The following EHD2 variants were observed in gnomAD, a reference collection of about 807,000 sequenced individuals.
EHD2 encodes the protein EH domain containing 2.
Under a neutral mutation model 41.0 loss-of-function variants are expected in EHD2, and 27 were observed. The ratio of observed to expected loss-of-function variants is 0.66; its 90% CI spans 0.49 to 0.91. EHD2 has a LOEUF of 0.91. Among genes scored for constraint, EHD2 ranks in the 40% least tolerant of loss-of-function variants. The probability of loss-of-function intolerance (pLI) is 0.00; values close to 1 mark genes in which losing one functional copy is unlikely to be tolerated. For synonymous variants in EHD2, 342 were observed against 341.0 expected (o/e 1.00, Z -0.03); for missense variants, 673 against 773.9 (o/e 0.87, Z 1.55).
chr19:47,738,445 G>A (rs1191517629), intron 5 of EHD2, among the ~76,000 whole-genome samples: 1 of 151,940 alleles, frequency 6.6e-6, no homozygotes, highest in Non-Finnish European at 1.5e-5. Context: ...TGAGATTACA[G>A]GCATCCGCCA....
In EHD2 at chr19:47,741,222, C is replaced by T. The variant is rs1371630520; in HGVS notation, c.1422C>T (p.Thr474=). 1 of 1,614,174 alleles carries T rather than the reference C, an allele frequency of 6.2e-7. No homozygotes were observed. Among genetic ancestry groups the T allele is most frequent in the Admixed American group, 1.7e-5 (1 of 60,026 alleles). ...DGKLSGSKAK[T]WMVGTKLPNS... ...AGCTGAGCGGCTCCAAGGCCAAGAC[C>T]TGGATGGTGGGGACCAAGCTCCCCA... is the stretch of plus-strand genomic sequence containing the variant. The change falls in exon 6 of 6, where the codon ACC becomes ACT. Residue 474 remains threonine (T), a synonymous_variant. Transcript: ENST00000263277. The surrounding 1 kb of genome is among the most constrained non-coding windows in gnomAD (Gnocchi z 4.5).
chr19:47,731,019 T>A (rs1011660473), intron 4 of EHD2, among the ~76,000 whole-genome samples: 2 of 151,474 alleles, frequency 1.3e-5, no homozygotes, highest in Non-Finnish European at 2.9e-5. Flanking sequence ...GAGGGACTAT[T>A]TTAGAGCGCT....
intron 3 of EHD2, among the ~76,000 whole-genome samples, chr19:47,723,954 G>T (rs1244487507): frequency 2.0e-5 from 3 of 151,926 alleles, no homozygotes; most frequent in Non-Finnish European, 4.4e-5. Flanking sequence ...CAAAGTGCTG[G>T]GATTACAGGT....
chr19:47,718,442 T>C (rs1568587779), intron 2 of EHD2, 67 bp from the exon 3 acceptor site: 2 of 1,387,274 alleles, frequency 1.4e-6, no homozygotes, highest in East Asian at 2.5e-5. Context: ...TCCCTCTTCA[T>C]GTTTTCTTCG....
intron 4 of EHD2, among the ~76,000 whole-genome samples, chr19:47,726,574 CTCT>C (rs1973755842): frequency 6.6e-6 from 1 of 150,734 alleles, no homozygotes; most frequent in South Asian, 2.1e-4. Flanking sequence ...CCTCCTTCTT[CTCT>C]TTCTTCCTCC....
chr19:47,725,220 C>T (rs867674216), intron 3 of EHD2, among the ~76,000 whole-genome samples: 1 of 151,486 alleles, frequency 6.6e-6, no homozygotes, highest in South Asian at 2.1e-4. Context: ...CGACGCACAC[C>T]TGTAATAACT....
chr19:47,720,691 C>T (rs1203913077), intron 3 of EHD2, among the ~76,000 whole-genome samples: 1 of 151,966 alleles, frequency 6.6e-6, no homozygotes, highest in African/African-American at 2.4e-5. Context: ...GTGAGATGGT[C>T]TAGGCATATA....
At chr19:47,736,864 A>G (rs1179987090) in intron 5 of EHD2, among the ~76,000 whole-genome samples, 2 of 152,160 alleles carry the variant, frequency 1.3e-5, no homozygotes, top group Non-Finnish European at 2.9e-5. Flanking sequence ...CCTGGCCTCC[A>G]GGCCCAAGGA....
At chr19:47,739,427 C>T (rs1199303121) in intron 5 of EHD2, among the ~76,000 whole-genome samples, 1 of 148,188 alleles carries the variant, frequency 6.7e-6, no homozygotes, top group African/African-American at 2.5e-5. Flanking sequence ...ATGGCGAAAC[C>T]CCATCTCTAC....
intron 4 of EHD2, among the ~76,000 whole-genome samples, chr19:47,728,245 C>A (rs1973772613): frequency 6.6e-6 from 1 of 152,130 alleles, no homozygotes; most frequent in Non-Finnish European, 1.5e-5. Context: ...TTCCCAGCGT[C>A]CCCTGCACTT....
At chr19:47,722,999 G>C (rs1346933997) in intron 3 of EHD2, among the ~76,000 whole-genome samples, 1 of 152,162 alleles carries the variant, frequency 6.6e-6, no homozygotes, top group Non-Finnish European at 1.5e-5. Context: ...AGTAAATCAG[G>C]GCTAGCTCCT....
At chr19:47,726,356 CAG>C in intron 4 of EHD2, 132 bp downstream of exon 4, 1 of 1,109,990 alleles carries the variant, frequency 9.0e-7, no homozygotes, top group Non-Finnish European at 1.2e-6. Flanking sequence ...CATTCTGGCA[CAG>C]AGTGAAGCCG....
chr19:47,739,670 A>C (rs180868351), intron 5 of EHD2, among the ~76,000 whole-genome samples: 18 of 147,232 alleles, frequency 1.2e-4, no homozygotes, highest in African/African-American at 4.5e-4. Context: ...CTGGTCTTGC[A>C]CTCCTGGGCT....
At position 47,739,815 on chromosome 19, in the gene EHD2, G is replaced by A. The variant is rs538560297; in HGVS notation, c.1081-1066G>A. On this transcript the variant is annotated intron_variant, in intron 5 of 5. Transcript: ENST00000263277. The stretch of plus-strand genomic sequence containing the variant: ...GGGCAGCTGGAGTTGGGTAGAGGGC[G>A]GTTAGGGTTCTAGGCTGGTGTGGAT... 4.6e-5 allele frequency among the ~76,000 whole-genome samples: 7 copies of A among 151,590 alleles called. No individual in the cohort carries two copies. The South Asian group carries it at 6.2e-4, about 14-fold the overall frequency.
intron 4 of EHD2, among the ~76,000 whole-genome samples, chr19:47,732,564 C>T (rs111812504): frequency 3.3e-5 from 5 of 151,978 alleles, no homozygotes; most frequent in Admixed American, 6.6e-5. Context: ...GGACTATAGG[C>T]GCGCGCCAGT....
At chr19:47,725,716 C>G in intron 3 of EHD2, 96 bp from the exon 4 acceptor site, 2 of 1,454,894 alleles carry the variant, frequency 1.4e-6, no homozygotes, top group Non-Finnish European at 1.8e-6. Context: ...TCTTTACAGT[C>G]CAATATGCAA....
chr19:47,716,057 C>T (rs927560752), intron 1 of EHD2, among the ~76,000 whole-genome samples: 19 of 148,476 alleles, frequency 1.3e-4, no homozygotes, highest in African/African-American at 4.2e-4. Flanking sequence ...GCATGAGCCA[C>T]TGTGCCTGGC....
At chr19:47,733,750 T>TAAAAAAAAAAAAAAAA (rs1281352634) in intron 4 of EHD2, among the ~76,000 whole-genome samples, 1 of 9,226 alleles carries the variant, frequency 1.1e-4, no homozygotes, top group Admixed American at 1.4e-3. Flanking sequence ...AGACTCTGTC[T>TAAAAAAAAAAAAAAAA]CAAAAAAAAA....
At position 47,725,440 on chromosome 19, in the gene EHD2, G is replaced by A. The variant is rs184538162; in HGVS notation, c.503-372G>A. Among the ~76,000 whole-genome samples, 320 of 150,508 alleles carry A rather than the reference G, an allele frequency of 2.1e-3. 1 individual carries two copies. The highest frequency in any genetic ancestry group is 7.4e-3 in the African/African-American group (302 of 40,724). ...AAAAATTAGCCAGGTGTGGTGATGCGCGCCTGCAGTCCCAGCTACTAGGGA... is the reference window on the plus strand; with the variant it reads ...AAAAATTAGCCAGGTGTGGTGATGCACGCCTGCAGTCCCAGCTACTAGGGA... On this transcript the variant is annotated intron_variant, in intron 3 of 5. Coordinates refer to ENST00000263277, the MANE Select transcript of EHD2 (RefSeq NM_014601.4).
Sources: gnomAD v4.1 joint callset for allele counts (sites outside exome capture counted in the v4.1 genomes callset) on GRCh38, gnomAD v4.1.1 for gene constraint, Gnocchi (gnomAD v3.1) non-coding constraint, MANE v1.5 for transcripts, NCBI Gene and HGNC (gene_info 2026-07-23, HGNC 2026-07-21) for gene names.